Variants in ZFHX4 observed in about 807,000 individuals in gnomAD.
ZFHX4 encodes zinc finger homeobox 4.
In ZFHX4, 56 loss-of-function variants were observed where a neutral mutation model predicts 267.6. The observed-to-expected ratio is 0.21, with a 90% confidence interval of 0.17 to 0.26. The LOEUF is 0.26. ZFHX4 is among the 10% of genes least tolerant of loss of function. The probability of loss-of-function intolerance (pLI) is 1.00; values close to 1 mark genes in which losing one functional copy is unlikely to be tolerated. For missense variants in ZFHX4, 4,332 were observed against 4,420.0 expected, an observed-to-expected ratio of 0.98 and a Z score of 0.56; for synonymous variants, 1,778 against 1,665.6, an observed-to-expected ratio of 1.07 and a Z score of -1.64.
At chr8:76,735,362 C>T (rs916702343) in intron 3 of ZFHX4, among the ~76,000 whole-genome samples, 10 of 152,010 alleles carry the variant, frequency 6.6e-5, no homozygotes, top group Non-Finnish European at 1.0e-4. Context: ...TAAACCCTTG[C>T]CTATAAAGCA....
intron 1 of ZFHX4, among the ~76,000 whole-genome samples, chr8:76,701,855 G>T (rs1329321235): frequency 6.6e-6 from 1 of 151,926 alleles, no homozygotes; most frequent in Non-Finnish European, 1.5e-5. Flanking sequence ...CCCTATCATT[G>T]GGGAAAATCA....
chr8:76,700,425 A>C (rs1025915788), intron 1 of ZFHX4, among the ~76,000 whole-genome samples: 1 of 152,140 alleles, frequency 6.6e-6, no homozygotes, highest in African/African-American at 2.4e-5. Context: ...ATCTCAATTA[A>C]AAAACAGAGG....
At chr8:76,835,611 C>T (rs967617959) in intron 5 of ZFHX4, among the ~76,000 whole-genome samples, 14 of 151,942 alleles carry the variant, frequency 9.2e-5, no homozygotes, top group Admixed American at 6.6e-4. Flanking sequence ...ATGCATGTCT[C>T]ATCAATACTT....
chr8:76,862,960 A>G (rs993260651), intron 10 of ZFHX4, 134 bp from the exon 11 acceptor site: 2 of 1,290,468 alleles, frequency 1.5e-6, no homozygotes, highest in African/African-American at 3.0e-5. Context: ...GTGATCATGA[A>G]TTTCCTATTG....
chr8:76,795,663 C>T (rs1166650292), intron 4 of ZFHX4, among the ~76,000 whole-genome samples: 2 of 151,332 alleles, frequency 1.3e-5, no homozygotes, highest in Non-Finnish European at 2.9e-5. Flanking sequence ...TCTCCTGCCT[C>T]AGCCTCCCAA....
At chr8:76,818,491 T>C (rs1031616563) in intron 4 of ZFHX4, among the ~76,000 whole-genome samples, 3 of 152,220 alleles carry the variant, frequency 2.0e-5, no homozygotes, top group Non-Finnish European at 4.4e-5. Flanking sequence ...TTTGATTGTA[T>C]GAATGGCGTT....
chr8:76,715,481 T>TAAAAA (rs764567552), intron 3 of ZFHX4, among the ~76,000 whole-genome samples: 6 of 62,312 alleles, frequency 9.6e-5, no homozygotes, highest in Non-Finnish European at 1.5e-4. Context: ...GACTCCATCT[T>TAAAAA]AAAAAAAAAA....
chr8:76,801,884 T>C (rs1811126477), intron 4 of ZFHX4, among the ~76,000 whole-genome samples: 1 of 152,148 alleles, frequency 6.6e-6, no homozygotes. Flanking sequence ...TCTCAACCTA[T>C]AGCTGGACCA....
chr8:76,731,469 T>C (rs1809009261), intron 3 of ZFHX4, among the ~76,000 whole-genome samples: 1 of 152,164 alleles, frequency 6.6e-6, no homozygotes, highest in Non-Finnish European at 1.5e-5. Flanking sequence ...TCAGTATAAT[T>C]GAAGGCATTT....
In ZFHX4 at chr8:76,856,150, A is replaced by T. The variant is rs770809054; in HGVS notation, c.9229A>T (p.Thr3077Ser). Residue 3077 changes from threonine to serine, a missense_variant, in exon 10 of 11, where the codon ACG becomes TCG. Around this residue, in one of 7 missense-constraint regions of ZFHX4, gnomAD observed 1,648 missense variants for 1,625.0 expected, o/e 1.01. Transcript: ENST00000651372. ...IKKASDVLGLTVQQPGMMDSS... is the reference protein window; with the variant it reads ...IKKASDVLGLSVQQPGMMDSS... ...GAAAGCTTCAGACGTGCTGGGCTTG[A>T]CGGTACAGCAGCCAGGCATGATGGA... 6.2e-7 allele frequency: 1 copy of T among 1,613,934 alleles called. No homozygotes were observed. The highest frequency in any genetic ancestry group is 1.1e-5 in the South Asian group (1 of 91,082).
In ZFHX4 at chr8:76,864,195, T is replaced by C; in HGVS notation, c.10481T>C (p.Val3494Ala). 1 of 1,613,918 alleles carries C rather than the reference T, an allele frequency of 6.2e-7. No individual in the cohort carries two copies. Among genetic ancestry groups the C allele is most frequent in the Non-Finnish European group, 8.5e-7 (1 of 1,179,858 alleles). ...KEHVRLLPHS[V>A]CSPNPNTTST... is the part of the protein sequence containing the mutation. ...CATGTTAGATTATTACCTCACTCAG[T>C]CTGCTCCCCTAATCCTAACACCACA... Residue 3494 changes from valine to alanine, a missense_variant, in exon 11 of 11, where the codon GTC becomes GCC. This residue lies in a region of ZFHX4 where 1,648 missense variants were observed against 1,625.0 expected (regional missense o/e 1.01). Coordinates refer to ENST00000651372, the MANE Select transcript of ZFHX4 (RefSeq NM_024721.5).
At chr8:76,838,208 A>G (rs922215201) in intron 5 of ZFHX4, among the ~76,000 whole-genome samples, 2 of 152,226 alleles carry the variant, frequency 1.3e-5, no homozygotes, top group East Asian at 1.9e-4. Context: ...GACCAGGAAC[A>G]TCGGGCATTA....
At chr8:76,712,734 G>A (rs961032127) in intron 3 of ZFHX4, among the ~76,000 whole-genome samples, 1 of 152,022 alleles carries the variant, frequency 6.6e-6, no homozygotes, top group Non-Finnish European at 1.5e-5. Flanking sequence ...ATTCTTTTCT[G>A]TTACTAAACA....
chr8:76,788,622 C>A (rs1371761627), intron 4 of ZFHX4, among the ~76,000 whole-genome samples: 3 of 152,082 alleles, frequency 2.0e-5, no homozygotes, highest in Admixed American at 2.0e-4. Context: ...CATTGAAATG[C>A]CATTTTGGGG....
chr8:76,736,931 A>T (rs1809174602), intron 3 of ZFHX4, among the ~76,000 whole-genome samples: 1 of 152,132 alleles, frequency 6.6e-6, no homozygotes, highest in Non-Finnish European at 1.5e-5. Context: ...AACATTGAGC[A>T]TCAGATGACA....
rs1290711146 is a variant in ZFHX4, at chr8:76,704,396, C to A, written c.308C>A (p.Ala103Asp). ...TACATGGAACACCACTGCCCTAATGCCCGCCTTCCTGTCCTGAAGGATGAC... is the reference window on the plus strand; with the variant it reads ...TACATGGAACACCACTGCCCTAATGACCGCCTTCCTGTCCTGAAGGATGAC... ...QKYMEHHCPN[A>D]RLPVLKDDNE... Residue 103 changes from alanine to aspartate, a missense_variant, in exon 2 of 11, where the codon GCC (alanine) becomes GAC (aspartate). Ala to Asp is a moderately radical substitution (Grantham distance 126, BLOSUM62 -2). Around this residue, in one of 7 missense-constraint regions of ZFHX4, gnomAD observed 1,195 missense variants for 1,173.6 expected, o/e 1.02. Coordinates refer to ENST00000651372, the MANE Select transcript of ZFHX4 (RefSeq NM_024721.5). 2 of 1,613,996 alleles carry A rather than the reference C, an allele frequency of 1.2e-6. No individual in the cohort carries two copies. The highest frequency in any genetic ancestry group is 2.2e-5 in the East Asian group (1 of 44,876).
Position 76,853,176 on chromosome 8 carries a change from T to A in ZFHX4, c.6255T>A (p.Pro2085=), listed in dbSNP as rs1160231560. The A allele has an allele frequency of 1.3e-6, 2 of 1,539,974 alleles. No individual in the cohort carries two copies. Among genetic ancestry groups the A allele is most frequent in the African/African-American group, 2.8e-5 (2 of 72,396 alleles). Residue 2085 remains proline, a synonymous_variant, in exon 10 of 11, where the codon CCT becomes CCA. Coordinates refer to ENST00000651372, the MANE Select transcript of ZFHX4 (RefSeq NM_024721.5). The stretch of plus-strand genomic sequence containing the variant: ...TCTTTCCTTCCATTATGATGCAACC[T>A]GTGCAACACCCTGCGCTTCCTCCCC... ...LPLFPSIMMQ[P]VQHPALPPQL...
At chr8:76,857,382 C>A (rs1445766191) in intron 10 of ZFHX4, among the ~76,000 whole-genome samples, 19 of 126,052 alleles carry the variant, frequency 1.5e-4, no homozygotes, top group Non-Finnish European at 3.3e-4. Flanking sequence ...ATATATATAT[C>A]TACATTTACA....
In ZFHX4 at chr8:76,863,679, A is replaced by G. The variant is rs1812941070; in HGVS notation, c.9965A>G (p.Tyr3322Cys). ...PGALLQQYQQYQQNLQESLQK... is the reference protein window; with the variant it reads ...PGALLQQYQQCQQNLQESLQK... ...GCACTGTTGCAGCAGTACCAACAGT[A>G]TCAGCAGAACCTGCAGGAGTCCCTG... Residue 3322 changes from tyrosine (Y) to cysteine (C), a missense_variant, in exon 11 of 11, where the codon TAT (tyrosine) becomes TGT (cysteine). Around this residue, in one of 7 missense-constraint regions of ZFHX4, gnomAD observed 1,648 missense variants for 1,625.0 expected, o/e 1.01. Coordinates refer to ENST00000651372, the MANE Select transcript of ZFHX4 (RefSeq NM_024721.5). 2 of 1,600,994 alleles carry G rather than the reference A, an allele frequency of 1.2e-6. No individual in the cohort carries two copies. Among genetic ancestry groups the G allele is most frequent in the Non-Finnish European group, 1.7e-6 (2 of 1,173,114 alleles).
Sources: gnomAD v4.1 joint callset for allele counts (sites outside exome capture counted in the v4.1 genomes callset) on GRCh38, gnomAD v4.1.1 for gene constraint, gnomAD v4.1.1 regional missense constraint, MANE v1.5 for transcripts, NCBI Gene and HGNC (gene_info 2026-07-23, HGNC 2026-07-21) for gene names.